Variants in CLUAP1 observed in about 807,000 individuals in gnomAD.
CLUAP1 encodes the protein intraflagellar transport 38.
A neutral mutation model predicts 55.0 loss-of-function variants in CLUAP1; 50 were observed. That is an observed-to-expected ratio of 0.91 (90% CI 0.72 to 1.15). CLUAP1 has a LOEUF of 1.15. Among genes scored for constraint, CLUAP1 ranks in the 50% most tolerant of loss-of-function variants. The pLI is 0.00. For synonymous variants in CLUAP1, 195 were observed against 175.4 expected (o/e 1.11, Z -0.88); for missense variants, 530 against 507.6 (o/e 1.04, Z -0.42).
At chr16:3,520,573 G>A (rs945881253) in intron 7 of CLUAP1, among the ~76,000 whole-genome samples, 9 of 152,100 alleles carry the variant, frequency 5.9e-5, no homozygotes, top group African/African-American at 2.2e-4. Context: ...CTGGAAAACT[G>A]CTTAAAGCTT....
chr16:3,523,320 G>A, intron 8 of CLUAP1, 21 bp downstream of exon 8: 1 of 1,594,242 alleles, frequency 6.3e-7, no homozygotes, highest in African/African-American at 1.4e-5. Flanking sequence ...CCTGTCCTCT[G>A]TTCAGCCATT....
chr16:3,501,004 G>T lies in CLUAP1; in HGVS notation c.-64G>T. Reference sequence around the variant, plus strand: ...TTGGTTGCCATAGAGATCGTCGAGCGCTGGGCCTGTGATCGCTGAGGGGCG... The same window carrying T: ...TTGGTTGCCATAGAGATCGTCGAGCTCTGGGCCTGTGATCGCTGAGGGGCG... On this transcript the variant is annotated 5_prime_UTR_variant, in exon 1 of 12. Coordinates refer to ENST00000576634, the MANE Select transcript of CLUAP1 (RefSeq NM_015041.3). 3.3e-6 allele frequency: 5 copies of T among 1,537,150 alleles called. No homozygotes were observed.
At chr16:3,500,168 G>A (rs1378928073), upstream of CLUAP1, among the ~76,000 whole-genome samples, 1 of 152,146 alleles carries the variant, frequency 6.6e-6, no homozygotes, top group Non-Finnish European at 1.5e-5. Context: ...TAGGGCTGCC[G>A]GGACCCGCGC....
At position 3,536,190 on chromosome 16, in the gene CLUAP1, G is replaced by C; in HGVS notation, c.1161G>C (p.Glu387Asp). The C allele has an allele frequency of 6.2e-7, 1 of 1,614,172 alleles. No homozygotes were observed. Among genetic ancestry groups the C allele is most frequent in the Non-Finnish European group, 8.5e-7 (1 of 1,180,038 alleles). Residue 387 changes from glutamate (E) to aspartate (D), a missense_variant, in exon 12 of 12, where the codon GAG becomes GAC. By Grantham distance (45) the Glu-to-Asp change is conservative (BLOSUM62 2). Transcript: ENST00000576634. ...ACGAGGATGACGATTTGGAAGACGA[G>C]AGCATTTCTCTCTCACCAACCAAGC... ...DDDEDDDLEDESISLSPTKPN... is the reference protein window; with the variant it reads ...DDDEDDDLEDDSISLSPTKPN...
chr16:3,538,123 A>G lies in CLUAP1; in HGVS notation c.*1852A>G, dbSNP rs1048906503. On this transcript the variant is annotated 3_prime_UTR_variant, in exon 12 of 12. Transcript: ENST00000576634. ...TTATCTTTTAATACATGTATTTAAC[A>G]CCATACTTCATATTATTAAATAGGT... is the stretch of plus-strand genomic sequence containing the variant. 1 of 152,060 alleles carries G rather than the reference A, an allele frequency of 6.6e-6. No individual in the cohort carries two copies. The highest frequency in any genetic ancestry group is 2.4e-5 in the African/African-American group (1 of 41,394). The allele number at this position is 152,060 out of a possible 1,614,324, so 9.4% of individuals were successfully genotyped here.
intron 6 of CLUAP1, among the ~76,000 whole-genome samples, chr16:3,519,099 C>T (rs2037783998): frequency 1.3e-5 from 2 of 152,288 alleles, no homozygotes; most frequent in Middle Eastern, 3.4e-3. Flanking sequence ...AGCCAGCCAC[C>T]GGACAAGACG....
At chr16:3,529,714 AATATTATATATTATAT>A (rs2038057967) in intron 9 of CLUAP1, among the ~76,000 whole-genome samples, 1 of 35,820 alleles carries the variant, frequency 2.8e-5, no homozygotes, top group Non-Finnish European at 4.3e-5. Context: ...TATATTATAT[AATATTATATATTATAT>A]ATATTATTAT....
chr16:3,508,874 T>G (rs1226438801), intron 4 of CLUAP1, among the ~76,000 whole-genome samples: 1 of 148,942 alleles, frequency 6.7e-6, no homozygotes, highest in Non-Finnish European at 1.5e-5. Flanking sequence ...GAAGGCCTCA[T>G]GGATTGGATG....
chr16:3,526,602 G>GT (rs201631821), intron 9 of CLUAP1, 118 bp downstream of exon 9: 8,064 of 361,628 alleles, frequency 0.022, no homozygotes, highest in Middle Eastern at 0.032. Flanking sequence ...TTTTTCAGCA[G>GT]TTTTTTTTTT....
upstream of CLUAP1, chr16:3,500,861 G>A (rs1596379306): frequency 3.4e-6 from 2 of 591,110 alleles, no homozygotes; most frequent in South Asian, 2.0e-5. Context: ...CACGCCCTCT[G>A]CCCTCGGCGT....
intron 10 of CLUAP1, among the ~76,000 whole-genome samples, chr16:3,531,866 CAA>C (rs1198401122): frequency 6.7e-6 from 1 of 148,908 alleles, no homozygotes; most frequent in African/African-American, 2.5e-5. Flanking sequence ...CTTTTTGAGA[CAA>C]AGTCTCGCTC....
chr16:3,495,833 CG>C, the CLUAP1 span, among the ~76,000 whole-genome samples: 1 of 151,994 alleles, frequency 6.6e-6, no homozygotes, highest in Non-Finnish European at 1.5e-5. Context: ...GGGCTGGGGG[CG>C]GTGGCTCATG....
At chr16:3,508,585 G>A in intron 4 of CLUAP1, 117 bp downstream of exon 4, 2 of 873,872 alleles carry the variant, frequency 2.3e-6, no homozygotes, top group Non-Finnish European at 3.3e-6. Context: ...AGGGCAGTTT[G>A]TCAGTTTTGT....
rs1258067584 is a variant in CLUAP1, at chr16:3,524,447, A to G, written c.855+1148A>G. 2.6e-5 allele frequency among the ~76,000 whole-genome samples: 4 copies of G among 151,594 alleles called. No homozygotes were observed. In the East Asian group the frequency reaches 7.8e-4, roughly 29 times the overall value. ...AAACCCCGTCTACTAAAAATACAAA[A>G]TTTATCTGGTATGGTGGCGGGCACC... On this transcript the variant is annotated intron_variant, in intron 8 of 11. Transcript: ENST00000576634.
At chr16:3,500,037 T>C (rs2037356916), upstream of CLUAP1, among the ~76,000 whole-genome samples, 1 of 152,256 alleles carries the variant, frequency 6.6e-6, no homozygotes, top group South Asian at 2.1e-4. Flanking sequence ...GCTGTTTCCT[T>C]GTTCCTGCTC....
chr16:3,505,632 C>T (rs897912670), intron 2 of CLUAP1, among the ~76,000 whole-genome samples: 3 of 151,444 alleles, frequency 2.0e-5, no homozygotes, highest in Admixed American at 6.6e-5. Context: ...TGAAAGGAGA[C>T]GACTATTCCT....
chr16:3,517,082 C>G (rs1275072154), intron 6 of CLUAP1, among the ~76,000 whole-genome samples: 1 of 151,564 alleles, frequency 6.6e-6, no homozygotes, highest in African/African-American at 2.4e-5. Context: ...AGGAGCAGGT[C>G]ATTCACACAG....
intron 10 of CLUAP1, among the ~76,000 whole-genome samples, chr16:3,531,857 T>C (rs1173697521): frequency 6.6e-6 from 1 of 151,636 alleles, no homozygotes; most frequent in East Asian, 1.9e-4. Flanking sequence ...TTTTTTTTTC[T>C]TTTTGAGACA....
chr16:3,499,275 G>A (rs1437268531), upstream of CLUAP1, among the ~76,000 whole-genome samples: 1 of 152,222 alleles, frequency 6.6e-6, no homozygotes. Flanking sequence ...AACCCTGGAG[G>A]CGGAGGTTTC....
Sources: allele counts gnomAD v4.1 joint callset (sites outside exome capture counted in the v4.1 genomes callset), GRCh38; gene constraint gnomAD v4.1.1; transcripts MANE v1.5; gene names NCBI Gene and HGNC (gene_info 2026-07-23, HGNC 2026-07-21).